The following FGGY variants were observed in gnomAD, a reference collection of about 807,000 sequenced individuals.
FGGY encodes the protein FGGY carbohydrate kinase domain containing, also known as FGGY carbohydrate kinase domain-containing protein.
In FGGY, 72 loss-of-function variants were observed where a neutral mutation model predicts 71.3. The observed-to-expected ratio is 1.01, with a 90% CI of 0.84 to 1.23. FGGY has a LOEUF of 1.23. FGGY is among the 50% of genes most tolerant of loss of function. The pLI is 0.00. For missense variants in FGGY, 668 were observed against 682.3 expected, an observed-to-expected ratio of 0.98 and a Z score of 0.23; for synonymous variants, 251 against 250.3, an observed-to-expected ratio of 1.00 and a Z score of -0.02.
chr1:59,621,164 A>G (rs2096802458), intron 9 of FGGY, among the ~76,000 whole-genome samples: 1 of 152,016 alleles, frequency 6.6e-6, no homozygotes, highest in African/African-American at 2.4e-5. Context: ...CAGTTATATC[A>G]GATTAAGGCC....
chr1:59,624,003 G>A (rs540782962), intron 9 of FGGY, among the ~76,000 whole-genome samples: 10 of 152,168 alleles, frequency 6.6e-5, no homozygotes, highest in Admixed American at 2.6e-4. Context: ...TGTTCCCAGC[G>A]AGTTTATCTT....
intron 2 of FGGY, among the ~76,000 whole-genome samples, chr1:59,334,219 T>C (rs1192006791): frequency 6.6e-6 from 1 of 152,206 alleles, no homozygotes; most frequent in African/African-American, 2.4e-5. Context: ...CTTGGGTCAC[T>C]GCAACCTTTG....
chr1:59,308,150 C>G (rs116448589), intron 1 of FGGY, among the ~76,000 whole-genome samples: 1 of 152,156 alleles, frequency 6.6e-6, no homozygotes, highest in Non-Finnish European at 1.5e-5. Flanking sequence ...TGCTGCTTCT[C>G]TTTTTATTTT....
At chr1:59,314,258 C>T (rs1023600281) in intron 1 of FGGY, among the ~76,000 whole-genome samples, 1 of 152,158 alleles carries the variant, frequency 6.6e-6, no homozygotes, top group Non-Finnish European at 1.5e-5. Context: ...AGCCACCGCA[C>T]CTGGCCTAAT....
At chr1:59,500,001 T>C (rs1037996071) in intron 6 of FGGY, among the ~76,000 whole-genome samples, 3 of 152,210 alleles carry the variant, frequency 2.0e-5, no homozygotes, top group Admixed American at 1.3e-4. Flanking sequence ...AGTCATTTGA[T>C]TGTCTCTGTA....
intron 5 of FGGY, among the ~76,000 whole-genome samples, chr1:59,420,710 T>A (rs1002886700): frequency 6.6e-6 from 1 of 152,222 alleles, no homozygotes; most frequent in Non-Finnish European, 1.5e-5. Context: ...GTACTCCATA[T>A]GTTTCTAATT....
intron 8 of FGGY, among the ~76,000 whole-genome samples, chr1:59,602,674 C>A (rs1221634603): frequency 6.6e-6 from 1 of 152,162 alleles, no homozygotes; most frequent in East Asian, 1.9e-4. Flanking sequence ...TCTGCCCGGG[C>A]TGCCCTTCCT....
intron 5 of FGGY, among the ~76,000 whole-genome samples, chr1:59,418,773 G>A (rs761091219): frequency 1.3e-5 from 2 of 152,088 alleles, no homozygotes; most frequent in Non-Finnish European, 2.9e-5. Flanking sequence ...CTTTAACATA[G>A]TGAGTTTGGG....
At chr1:59,394,282 T>C (rs1366859959) in intron 5 of FGGY, among the ~76,000 whole-genome samples, 1 of 152,214 alleles carries the variant, frequency 6.6e-6, no homozygotes, top group Non-Finnish European at 1.5e-5. Flanking sequence ...ATATCACTAT[T>C]GTACTTAATC....
intron 8 of FGGY, among the ~76,000 whole-genome samples, chr1:59,563,106 T>A (rs540952555): frequency 6.6e-4 from 101 of 152,322 alleles, no homozygotes; most frequent in African/African-American, 2.4e-3. Context: ...CTTGCCTGAT[T>A]GCCCTGGCCA....
chr1:59,733,794 T>C (rs1037675063), intron 14 of FGGY, among the ~76,000 whole-genome samples: 3 of 152,180 alleles, frequency 2.0e-5, no homozygotes, highest in Non-Finnish European at 4.4e-5. Flanking sequence ...TCACTCTGCA[T>C]CCCCCTAAGT....
intron 14 of FGGY, among the ~76,000 whole-genome samples, chr1:59,703,510 AC>A (rs1249024260): frequency 9.2e-5 from 14 of 152,210 alleles, no homozygotes; most frequent in African/African-American, 2.9e-4. Flanking sequence ...TGTTCTTTCC[AC>A]CATGTCACCC....
At chr1:59,744,759 T>C (rs1329299840) in intron 14 of FGGY, among the ~76,000 whole-genome samples, 3 of 152,258 alleles carry the variant, frequency 2.0e-5, no homozygotes, top group Admixed American at 2.0e-4. Context: ...TCTTTCAACA[T>C]GTATTTATTA....
At chr1:59,472,391 C>A (rs3990412) in intron 6 of FGGY, among the ~76,000 whole-genome samples, 7 of 152,188 alleles carry the variant, frequency 4.6e-5, no homozygotes, top group African/African-American at 1.7e-4. Flanking sequence ...TCCTGTGGGG[C>A]CCGAGCCTCC....
At chr1:59,370,734 A>AGAGTG (rs2057460413) in intron 4 of FGGY, among the ~76,000 whole-genome samples, 1 of 151,764 alleles carries the variant, frequency 6.6e-6, no homozygotes, top group Non-Finnish European at 1.5e-5. Context: ...AAGCCAGAAG[A>AGAGTG]GAGTGGGGGC....
chr1:59,761,593 T>C (rs1193370592), intron 15 of FGGY, among the ~76,000 whole-genome samples: 1 of 152,196 alleles, frequency 6.6e-6, no homozygotes, highest in African/African-American at 2.4e-5. Context: ...ATTATTCCTT[T>C]CAGGATTATG....
At chr1:59,565,434 G>A (rs1156961537) in intron 8 of FGGY, among the ~76,000 whole-genome samples, 5 of 152,098 alleles carry the variant, frequency 3.3e-5, no homozygotes, top group Non-Finnish European at 5.9e-5. Flanking sequence ...ATAGGCACCC[G>A]CCACCATGCC....
chr1:59,510,088 T>G (rs2094484369), intron 6 of FGGY, among the ~76,000 whole-genome samples: 1 of 151,798 alleles, frequency 6.6e-6, no homozygotes, highest in Admixed American at 6.6e-5. Flanking sequence ...AAAATACTTC[T>G]CTTGATCCTT....
chr1:59,366,311 T>C (rs2056580020), intron 4 of FGGY, among the ~76,000 whole-genome samples: 1 of 152,212 alleles, frequency 6.6e-6, no homozygotes, highest in Admixed American at 6.5e-5. Flanking sequence ...CCTCATCTAA[T>C]GGGGGTAATG....
Sources: allele counts gnomAD v4.1 joint callset (sites outside exome capture counted in the v4.1 genomes callset), GRCh38; gene constraint gnomAD v4.1.1; transcripts MANE v1.5; gene names NCBI Gene and HGNC (gene_info 2026-07-23, HGNC 2026-07-21).